TMIGD3: variants seen among roughly 807,000 people sequenced by gnomAD.
TMIGD3 encodes transmembrane and immunoglobulin domain containing 3, also known as AD026 protein (AD026).
TMIGD3 carries 21 observed loss-of-function variants against 28.1 expected under a neutral mutation model. The ratio of observed to expected loss-of-function variants is 0.75; its 90% confidence interval spans 0.53 to 1.08. The LOEUF (loss-of-function observed/expected upper bound fraction) is 1.08, where lower values mean the gene tolerates loss of function less well. TMIGD3 is among the 50% of genes least tolerant of loss of function. The pLI, the probability that TMIGD3 is intolerant of heterozygous loss-of-function variation, is 0.00. For missense variants in TMIGD3, 416 were observed against 435.6 expected (o/e 0.96, Z 0.40); for synonymous variants, 151 against 162.1 (o/e 0.93, Z 0.52).
intron 1 of TMIGD3, among the ~76,000 whole-genome samples, chr1:111,517,563 C>T (rs1166026740): frequency 7.2e-5 from 11 of 152,182 alleles, no homozygotes; most frequent in Non-Finnish European, 7.3e-5. Flanking sequence ...CAGAATCATA[C>T]TAGGATTCAA....
chr1:111,487,231 A>G (rs3767601), intron 3 of TMIGD3, among the ~76,000 whole-genome samples: 14,659 of 152,232 alleles, frequency 0.096, 995 homozygotes, highest in East Asian at 0.26. Context: ...GTCTGAGCCT[A>G]AGATTCAGGT....
chr1:111,511,012 G>A (rs527682368), intron 1 of TMIGD3, among the ~76,000 whole-genome samples: 16 of 152,238 alleles, frequency 1.1e-4, no homozygotes, highest in Middle Eastern at 3.4e-3. Context: ...CTTAGGAATC[G>A]CACTGGGTAA....
chr1:111,554,902 C>T (rs1657417700), intron 1 of TMIGD3, among the ~76,000 whole-genome samples: 1 of 151,902 alleles, frequency 6.6e-6, no homozygotes. Flanking sequence ...CACAAGGAAA[C>T]AAAATTCCCT....
intron 1 of TMIGD3, among the ~76,000 whole-genome samples, chr1:111,538,800 A>G (rs891077471): frequency 6.6e-6 from 1 of 152,208 alleles, no homozygotes; most frequent in Non-Finnish European, 1.5e-5. Context: ...CCACAGAGGA[A>G]TTGGGTTTTT....
chr1:111,503,585 C>T lies in TMIGD3; in HGVS notation c.-231G>A, dbSNP rs188117834. On this transcript the variant is annotated 5_prime_UTR_variant, in exon 1 of 6. Coordinates refer to ENST00000369716, the MANE Select transcript of TMIGD3 (RefSeq NM_020683.7). Reference sequence around the variant, plus strand: ...GGTCACTTCCAGCCCCTTTATGCACCGCACATCCTCAAGTTTCCAGAATGC... The same window carrying T: ...GGTCACTTCCAGCCCCTTTATGCACTGCACATCCTCAAGTTTCCAGAATGC... 146 of 1,354,548 alleles carry T rather than the reference C, an allele frequency of 1.1e-4. No individual in the cohort carries two copies. In the Admixed American group the frequency reaches 1.3e-3, roughly 12 times the overall value. 83.9% of individuals were successfully genotyped at this position (1,354,548 alleles called of 1,614,324 possible).
At chr1:111,493,010 T>C (rs1654737508) in intron 1 of TMIGD3, among the ~76,000 whole-genome samples, 1 of 152,086 alleles carries the variant, frequency 6.6e-6, no homozygotes, top group Non-Finnish European at 1.5e-5. Context: ...TAAAACATCT[T>C]TTAGAAATAG....
At chr1:111,543,320 T>G (rs1656912656) in intron 1 of TMIGD3, among the ~76,000 whole-genome samples, 1 of 152,144 alleles carries the variant, frequency 6.6e-6, no homozygotes, top group African/African-American at 2.4e-5. Context: ...AAGAACCTGA[T>G]TTTGAAAGAG....
At position 111,483,681 on chromosome 1, in the gene TMIGD3, C is replaced by T. The variant is rs1654223550; in HGVS notation, c.*6G>A. 2 of 1,610,268 alleles carry T rather than the reference C, an allele frequency of 1.2e-6. No homozygotes were observed. Among genetic ancestry groups the T allele is most frequent in the Non-Finnish European group, 1.7e-6 (2 of 1,176,624 alleles). ...ACTTTATGAACTAAATTAAAAAAAT[C>T]TTCAGTCACATCTGTTCAGTAGGAG... On this transcript the variant is annotated 3_prime_UTR_variant, in exon 6 of 6. Transcript: ENST00000369716.
chr1:111,488,642 G>A, intron 3 of TMIGD3, 35 bp downstream of exon 3: 1 of 1,577,392 alleles, frequency 6.3e-7, no homozygotes, highest in Non-Finnish European at 8.7e-7. Context: ...ATGGCTGTGG[G>A]TTACATCCAG....
At chr1:111,486,893 C>T (rs1654403290) in intron 3 of TMIGD3, among the ~76,000 whole-genome samples, 3 of 152,186 alleles carry the variant, frequency 2.0e-5, no homozygotes, top group Non-Finnish European at 2.9e-5. Context: ...ATGCACCCTA[C>T]CACTGGACTC....
intron 1 of TMIGD3, among the ~76,000 whole-genome samples, chr1:111,527,312 C>T (rs1199592452): frequency 1.3e-5 from 2 of 152,054 alleles, no homozygotes; most frequent in East Asian, 1.9e-4. Flanking sequence ...GCGCCTGACC[C>T]TCCATGTCTT....
At chr1:111,558,058 C>T (rs761354696) in intron 1 of TMIGD3, among the ~76,000 whole-genome samples, 4 of 151,834 alleles carry the variant, frequency 2.6e-5, no homozygotes, top group Non-Finnish European at 5.9e-5. Context: ...TAGGAATAAG[C>T]AAACAGAAAA....
intron 5 of TMIGD3, 57 bp downstream of exon 5, chr1:111,485,683 A>T (rs1374969561): frequency 2.2e-4 from 258 of 1,178,954 alleles, no homozygotes; most frequent in Non-Finnish European, 2.9e-4. Flanking sequence ...CTGCTCCTTG[A>T]CCTCTTTCAT....
At position 111,502,136 on chromosome 1, in the gene TMIGD3, T is replaced by C. The variant is rs866169490; in HGVS notation, c.350+869A>G. On this transcript the variant is annotated intron_variant, in intron 1 of 5. Transcript: ENST00000369716. ...ATAATAAATATATAGGATATATATT[T>C]AATATAATAAATATATAGGATATAT... 4.8e-3 allele frequency among the ~76,000 whole-genome samples: 432 copies of C among 90,640 alleles called. 17 individuals are homozygous for C. Among genetic ancestry groups the C allele is most frequent in the African/African-American group, 0.013 (287 of 22,572 alleles). 59.5% of individuals were successfully genotyped at this position (90,640 alleles called of 152,430 possible).
chr1:111,534,595 G>T (rs1364094602), intron 1 of TMIGD3, among the ~76,000 whole-genome samples: 3 of 152,164 alleles, frequency 2.0e-5, no homozygotes, highest in African/African-American at 7.2e-5. Flanking sequence ...TTGAAAAGAA[G>T]TCATCTTTTT....
chr1:111,531,297 A>C (rs1212051546), intron 1 of TMIGD3, among the ~76,000 whole-genome samples: 8 of 151,874 alleles, frequency 5.3e-5, no homozygotes, highest in African/African-American at 1.2e-4. Flanking sequence ...AAAAAAAAAA[A>C]CCCAAAACAT....
intron 1 of TMIGD3, among the ~76,000 whole-genome samples, chr1:111,515,946 C>T (rs569306804): frequency 5.9e-5 from 9 of 152,356 alleles, no homozygotes; most frequent in African/African-American, 2.2e-4. Flanking sequence ...GCGTTCCTAC[C>T]ATTTATATGT....
rs761023270 is a variant in TMIGD3, at chr1:111,524,659, G to A, written c.108-33897C>T. Among the ~76,000 whole-genome samples, 120 of 152,030 alleles carry A rather than the reference G, an allele frequency of 7.9e-4. 2 individuals carry two copies. Among genetic ancestry groups the A allele is most frequent in the Middle Eastern group, 3.4e-3 (1 of 294 alleles). ...TCTGGAGACACAATTTCACTCTGTC[G>A]CCCAGGCTGGAGTGCGGTGGCATGA... On this transcript the variant is annotated intron_variant, in intron 1 of 5. Transcript: ENST00000369717.
chr1:111,489,038 C>G lies in TMIGD3; in HGVS notation c.458-14G>C, dbSNP rs755761204. The G allele has an allele frequency of 7.3e-7, 1 of 1,369,698 alleles. No individual in the cohort carries two copies. Among genetic ancestry groups the G allele is most frequent in the Non-Finnish European group, 9.7e-7 (1 of 1,034,674 alleles). 84.8% of individuals were successfully genotyped at this position (1,369,698 alleles called of 1,614,324 possible). A position where few individuals can be genotyped will look rare whatever the true frequency, so the allele number is the denominator to read the frequency against. On this transcript the variant is annotated splice_polypyrimidine_tract_variant and intron_variant, in intron 2 of 5. Transcript: ENST00000369716. ...TGACCATGGCATCTGTGAAAACACA[C>G]ACACACACGCACACGTGCACACACA...
Sources: allele counts gnomAD v4.1 joint callset (sites outside exome capture counted in the v4.1 genomes callset), GRCh38; gene constraint gnomAD v4.1.1; transcripts MANE v1.5; gene names NCBI Gene and HGNC (gene_info 2026-07-23, HGNC 2026-07-21).